Variants in PLCE1 observed in about 807,000 individuals in gnomAD.
PLCE1 encodes phospholipase C epsilon 1, also known as 1-phosphatidylinositol 4,5-bisphosphate phosphodiesterase epsilon-1.
A neutral mutation model predicts 242.8 loss-of-function variants in PLCE1; 119 were observed. The observed-to-expected ratio is 0.49, with a 90% CI of 0.42 to 0.57. PLCE1 has a LOEUF of 0.57. Ranked by LOEUF, PLCE1 falls within the 20% of genes least tolerant of loss-of-function variation. The pLI, the probability that PLCE1 is intolerant of heterozygous loss-of-function variation, is 0.00. For missense variants in PLCE1, 2,441 were observed against 2,788.8 expected (o/e 0.88, Z 2.81); for synonymous variants, 945 against 1,017.4 (o/e 0.93, Z 1.35).
At chr10:94,274,217 G>A (rs1312749764) in intron 19 of PLCE1, among the ~76,000 whole-genome samples, 3 of 152,092 alleles carry the variant, frequency 2.0e-5, no homozygotes, top group Non-Finnish European at 4.4e-5. Flanking sequence ...GGAGACCCTC[G>A]GCTCAAAGGT....
intron 22 of PLCE1, chr10:94,287,313 A>G (rs2052485098): frequency 6.6e-6 from 1 of 152,164 alleles, no homozygotes; most frequent in Admixed American, 6.5e-5. Context: ...AATACCTTCT[A>G]AATATTTCTT....
intron 2 of PLCE1, among the ~76,000 whole-genome samples, chr10:94,071,495 G>GTTTTTTTTTTTTGTTTTTT (rs2044353147): frequency 1.2e-5 from 1 of 83,316 alleles, no homozygotes; most frequent in African/African-American, 5.4e-5. Context: ...TTTGGTTTTC[G>GTTTTTTTTTTTTGTTTTTT]TTTTTTTTTT....
intron 4 of PLCE1, among the ~76,000 whole-genome samples, chr10:94,205,543 A>G (rs1198435725): frequency 1.3e-5 from 2 of 152,228 alleles, no homozygotes; most frequent in East Asian, 1.9e-4. Context: ...AAATAAATAG[A>G]ACATGGAAAA....
intron 32 of PLCE1, chr10:94,325,432 C>A (rs1388299833): frequency 3.6e-6 from 1 of 273,984 alleles, no homozygotes; most frequent in Non-Finnish European, 7.1e-6. Context: ...CCCGTCTCTA[C>A]TAAAAATACA....
rs143091803 is a variant in PLCE1 at position 94,060,030 on chromosome 10, A to C, written c.1206+27778A>C. Among the ~76,000 whole-genome samples the C allele has an allele frequency of 1.1e-4, 17 of 152,312 alleles. No homozygotes were observed. The East Asian group carries it at 3.3e-3, about 29-fold the overall frequency. On this transcript the variant is annotated intron_variant, in intron 2 of 32. Coordinates refer to ENST00000371380, the MANE Select transcript of PLCE1 (RefSeq NM_016341.4). ...TTGTGTTTTTTGTTTGCTGTCTTAA[A>C]AAGGCAGCAGAAAACAATATCCACA...
chr10:94,140,682 C>T (rs933547400), intron 3 of PLCE1, among the ~76,000 whole-genome samples: 10 of 152,198 alleles, frequency 6.6e-5, no homozygotes, highest in Non-Finnish European at 1.3e-4. Context: ...GATTATAACT[C>T]GTAAATACTT....
Position 94,329,807 on chromosome 10 carries a change from A to AAAAAC in PLCE1, c.*1866_*1870dup, listed in dbSNP as rs2054137732. 4.0e-5 allele frequency: 6 copies of AAAAAC among 150,054 alleles called. No homozygotes were observed. Among genetic ancestry groups the AAAAAC allele is most frequent in the African/African-American group, 9.9e-5 (4 of 40,358 alleles). 9.3% of individuals were successfully genotyped at this position (150,054 alleles called of 1,614,324 possible). A position where few individuals can be genotyped will look rare whatever the true frequency, so the allele number is the denominator to read the frequency against. On this transcript the variant is annotated 3_prime_UTR_variant, in exon 33 of 33. Coordinates refer to ENST00000371380, the MANE Select transcript of PLCE1 (RefSeq NM_016341.4). The stretch of plus-strand genomic sequence containing the variant: ...AAAAAAAAAAAAAAAAAAAAAAAAA[A>AAAAAC]AAAACACCATACAGCTTTCATGTCA...
chr10:94,236,472 G>GT (rs1208940603), intron 7 of PLCE1, among the ~76,000 whole-genome samples: 6 of 151,540 alleles, frequency 4.0e-5, no homozygotes, highest in African/African-American at 9.7e-5. Flanking sequence ...TGTAACAGTG[G>GT]TTTTTTTAAT....
At chr10:94,089,240 G>A in intron 2 of PLCE1, 2 of 1,614,038 alleles carry the variant, frequency 1.2e-6, no homozygotes, top group South Asian at 1.1e-5. Flanking sequence ...CCCCAGGAGA[G>A]GGAAGCAGGC....
chr10:94,124,381 G>GAAA (rs981911349), intron 2 of PLCE1, among the ~76,000 whole-genome samples: 4 of 58,572 alleles, frequency 6.8e-5, no homozygotes, highest in Admixed American at 1.9e-4. Flanking sequence ...TTGTCTCAGA[G>GAAA]AAAAAAAAAA....
chr10:94,157,232 C>T (rs949971279), intron 3 of PLCE1, among the ~76,000 whole-genome samples: 5 of 152,190 alleles, frequency 3.3e-5, no homozygotes, highest in Admixed American at 2.6e-4. Flanking sequence ...TGAGTCTCCT[C>T]GTCGAGCTTC....
At chr10:94,072,756 A>G (rs1380311069) in intron 2 of PLCE1, among the ~76,000 whole-genome samples, 1 of 152,148 alleles carries the variant, frequency 6.6e-6, no homozygotes, top group East Asian at 1.9e-4. Flanking sequence ...TAGAATTTCA[A>G]TAAGAGTTTT....
At chr10:94,063,269 T>C (rs955273947) in intron 2 of PLCE1, among the ~76,000 whole-genome samples, 4 of 152,220 alleles carry the variant, frequency 2.6e-5, no homozygotes, top group Non-Finnish European at 5.9e-5. Context: ...TCCCACCTTC[T>C]TCTGTGGGAA....
In PLCE1 at chr10:94,223,297, C is replaced by G. The variant is rs546155154; in HGVS notation, c.1810-4009C>G. ...GAAGCCTTCCTGCAGAAGGAACAAC[C>G]AGTTCAAGATTCCTGAGATGTTAAA... On this transcript the variant is annotated intron_variant, in intron 4 of 32. Transcript: ENST00000371380. Among the ~76,000 whole-genome samples, 7 of 145,716 alleles carry G rather than the reference C, an allele frequency of 4.8e-5. No homozygotes were observed. The East Asian group carries it at 1.4e-3, about 30-fold the overall frequency.
At position 94,306,822 on chromosome 10, in the gene PLCE1, C is replaced by G. The variant is rs1234117224; in HGVS notation, c.5884+134C>G. 3.9e-5 allele frequency: 29 copies of G among 752,326 alleles called. No individual in the cohort carries two copies. In the South Asian group the frequency reaches 4.7e-4, roughly 12 times the overall value. The allele number at this position is 752,326 out of a possible 1,614,324, so 46.6% of individuals were successfully genotyped here. The stretch of plus-strand genomic sequence containing the variant: ...TTGAATTAAGAAGCAAAAGGAAATA[C>G]AAATTGGAGCACTTTTGAAGCACAT... On this transcript the variant is annotated intron_variant, in intron 26 of 32. Coordinates refer to ENST00000371380, the MANE Select transcript of PLCE1 (RefSeq NM_016341.4). The surrounding 1 kb of genome is among the most constrained non-coding windows in gnomAD (Gnocchi z 5.7).
intron 14 of PLCE1, among the ~76,000 whole-genome samples, chr10:94,264,685 C>A (rs896709974): frequency 1.3e-5 from 2 of 151,890 alleles, no homozygotes; most frequent in African/African-American, 4.8e-5. Context: ...CCATGCCCAG[C>A]TAATTTTTGT....
In PLCE1 at chr10:94,321,906, A is replaced by G. The variant is rs187602010; in HGVS notation, c.6348A>G (p.Leu2116=). ...RIVLKTQQEN[L]EEKNIVQDDK... Reference sequence around the variant, plus strand: ...TTTTTTCTTTTTAAACATAGAACCTAGAAGAGAAAAACATTGTTCAAGATG... The same window carrying G: ...TTTTTTCTTTTTAAACATAGAACCTGGAAGAGAAAAACATTGTTCAAGATG... Residue 2116 remains leucine, a synonymous_variant, in exon 30 of 33, where the codon CTA becomes CTG. Coordinates refer to ENST00000371380, the MANE Select transcript of PLCE1 (RefSeq NM_016341.4). 5.6e-5 allele frequency: 91 copies of G among 1,612,396 alleles called. No individual in the cohort carries two copies. The Admixed American group carries it at 1.5e-3, about 27-fold the overall frequency.
At chr10:94,007,628 T>C (rs58626531) in intron 1 of PLCE1, among the ~76,000 whole-genome samples, 1,949 of 148,100 alleles carry the variant, frequency 0.013, 19 homozygotes, top group African/African-American at 0.026. Flanking sequence ...GTGAATACAT[T>C]CTTGTTTCTA....
intron 2 of PLCE1, among the ~76,000 whole-genome samples, chr10:94,129,819 G>A (rs1310997247): frequency 1.3e-5 from 2 of 152,096 alleles, no homozygotes; most frequent in Non-Finnish European, 2.9e-5. Context: ...TCCTCTGATG[G>A]GTGAAATCTC....
Sources: gnomAD v4.1 joint callset for allele counts (sites outside exome capture counted in the v4.1 genomes callset) on GRCh38, gnomAD v4.1.1 for gene constraint, Gnocchi (gnomAD v3.1) non-coding constraint, MANE v1.5 for transcripts, NCBI Gene and HGNC (gene_info 2026-07-23, HGNC 2026-07-21) for gene names.